The following MTMR7 variants were observed in gnomAD, a reference collection of about 807,000 sequenced individuals.
MTMR7 encodes the protein myotubularin related protein 7.
A neutral mutation model predicts 81.2 loss-of-function variants in MTMR7; 76 were observed. That is an observed-to-expected ratio of 0.94 (90% CI 0.78 to 1.13). The LOEUF is 1.13. Ranked by LOEUF, MTMR7 falls within the 50% of genes most tolerant of loss-of-function variation. MTMR7 has a pLI of 0.00. For synonymous variants in MTMR7, 372 were observed against 289.8 expected (o/e 1.28, Z -2.88); for missense variants, 1,044 against 820.0 (o/e 1.27, Z -3.34).
intron 4 of MTMR7, among the ~76,000 whole-genome samples, chr8:17,357,053 ACAAC>A (rs1819914532): frequency 6.6e-6 from 1 of 152,180 alleles, no homozygotes; most frequent in East Asian, 1.9e-4. Flanking sequence ...ACAACAAAAC[ACAAC>A]CAACAAAAGA....
chr8:17,338,648 G>T (rs1819320004), intron 6 of MTMR7: 2 of 152,226 alleles, frequency 1.3e-5, no homozygotes, highest in East Asian at 3.9e-4. Flanking sequence ...GAGCCAGAGA[G>T]AAGGGCACAA....
intron 7 of MTMR7, among the ~76,000 whole-genome samples, chr8:17,314,825 C>G (rs1817977754): frequency 1.3e-5 from 2 of 152,220 alleles, no homozygotes; most frequent in African/African-American, 4.8e-5. Flanking sequence ...GAAGGGACAG[C>G]CCTTTGAATT....
intron 3 of MTMR7, among the ~76,000 whole-genome samples, chr8:17,361,886 G>A (rs117221893): frequency 1.4e-4 from 22 of 152,276 alleles, no homozygotes; most frequent in African/African-American, 3.4e-4. Context: ...ACTGCACAGC[G>A]CTGTGCTCGT....
intron 12 of MTMR7, among the ~76,000 whole-genome samples, 189 bp downstream of exon 12, chr8:17,304,190 G>A (rs972258340): frequency 6.6e-6 from 1 of 152,114 alleles, no homozygotes; most frequent in South Asian, 2.1e-4. Context: ...CCACATTTAG[G>A]AGGAATAAAG....
intron 13 of MTMR7, among the ~76,000 whole-genome samples, chr8:17,300,607 T>G (rs2150456262): frequency 6.6e-6 from 1 of 152,370 alleles, no homozygotes; most frequent in South Asian, 2.1e-4. Flanking sequence ...ACTTTTATAC[T>G]GAGATACAAT....
At chr8:17,372,726 A>T (rs1037371340) in intron 2 of MTMR7, among the ~76,000 whole-genome samples, 1 of 152,184 alleles carries the variant, frequency 6.6e-6, no homozygotes, top group Non-Finnish European at 1.5e-5. Flanking sequence ...AGAAAAGTAG[A>T]GGCAATGTAA....
chr8:17,373,160 G>A lies in MTMR7; in HGVS notation c.105C>T (p.Val35=). 3 of 1,613,830 alleles carry A rather than the reference G, an allele frequency of 1.9e-6. No homozygotes were observed. Among genetic ancestry groups the A allele is most frequent in the South Asian group, 1.1e-5 (1 of 91,052 alleles). ...GGTCAGGTGAATTTTCCACGAATATGACATGGGTAGCCGTCAAATACAAAG... is the reference window on the plus strand; with the variant it reads ...GGTCAGGTGAATTTTCCACGAATATAACATGGGTAGCCGTCAAATACAAAG... ...LGTLYLTATH[V]IFVENSPDPR... is the part of the protein sequence containing the mutation. The change falls in exon 2 of 14, where the codon GTC becomes GTT. Residue 35 remains valine (V), a synonymous_variant. Coordinates refer to ENST00000180173, the MANE Select transcript of MTMR7 (RefSeq NM_004686.5).
intron 7 of MTMR7, among the ~76,000 whole-genome samples, chr8:17,317,550 C>T (rs1041909070): frequency 2.6e-5 from 4 of 152,178 alleles, no homozygotes; most frequent in African/African-American, 7.2e-5. Context: ...CTGCGGTCAA[C>T]GTTTCCAGAA....
At chr8:17,413,212 T>A in intron 1 of MTMR7, 57 bp downstream of exon 1, 7 of 1,471,098 alleles carry the variant, frequency 4.8e-6, no homozygotes, top group Non-Finnish European at 5.6e-6. Context: ...TCAGCATCCC[T>A]CCTCCTCCTC....
chr8:17,365,162 G>C (rs1232411954), intron 3 of MTMR7, among the ~76,000 whole-genome samples: 1 of 152,174 alleles, frequency 6.6e-6, no homozygotes, highest in Non-Finnish European at 1.5e-5. Context: ...TCTCCCTAAT[G>C]ATTATTGAGG....
Position 17,318,936 on chromosome 8 carries a change from G to A in MTMR7, c.866-5535C>T, listed in dbSNP as rs143973705. On this transcript the variant is annotated intron_variant, in intron 7 of 13. Coordinates refer to ENST00000180173, the MANE Select transcript of MTMR7 (RefSeq NM_004686.5). ...CATCTCCAACGTCTCCTGAAAACAA[G>A]AGCACTGCTCATTGTCCTGCTTCCC... 2.0e-5 allele frequency among the ~76,000 whole-genome samples: 3 copies of A among 152,308 alleles called. No individual in the cohort carries two copies. In the East Asian group the frequency reaches 5.8e-4, roughly 29 times the overall value.
At position 17,369,674 on chromosome 8, in the gene MTMR7, C is replaced by G. The variant is rs1195930039; in HGVS notation, c.310+1363G>C. Reference sequence around the variant, plus strand: ...TTTTTTTTTTTTTTTGAAACAGAGTCTCGTTCTGTCACCCAGGCTGGAGTG... The same window carrying G: ...TTTTTTTTTTTTTTTGAAACAGAGTGTCGTTCTGTCACCCAGGCTGGAGTG... On this transcript the variant is annotated intron_variant, in intron 3 of 13. Transcript: ENST00000180173. 3.6e-5 allele frequency among the ~76,000 whole-genome samples: 4 copies of G among 111,224 alleles called. No individual in the cohort carries two copies. In the East Asian group the frequency reaches 1.1e-3, roughly 31 times the overall value. The allele number at this position is 111,224 out of a possible 152,430, so 73.0% of individuals were successfully genotyped here. A position where few individuals can be genotyped will look rare whatever the true frequency, so the allele number is the denominator to read the frequency against.
rs1402343267 is a variant in MTMR7, at chr8:17,302,140, C to T, written c.1620+14G>A. On this transcript the variant is annotated intron_variant, in intron 13 of 13. Transcript: ENST00000180173. The stretch of plus-strand genomic sequence containing the variant: ...AAGCACAGAAAATAGATTAACAAAG[C>T]AAGTATGTCTTACTTCTTCCAGGGC... The T allele has an allele frequency of 6.2e-7, 1 of 1,613,946 alleles. No individual in the cohort carries two copies. The highest frequency in any genetic ancestry group is 2.2e-5 in the East Asian group (1 of 44,846).
chr8:17,356,644 G>A (rs1819897698), intron 4 of MTMR7, among the ~76,000 whole-genome samples: 1 of 152,038 alleles, frequency 6.6e-6, no homozygotes, highest in African/African-American at 2.4e-5. Flanking sequence ...AACCCAGGAG[G>A]CAGAGGTTAC....
intron 1 of MTMR7, among the ~76,000 whole-genome samples, chr8:17,411,612 A>T (rs759236134): frequency 6.6e-6 from 1 of 152,228 alleles, no homozygotes; most frequent in African/African-American, 2.4e-5. Context: ...ATTCAGTAAC[A>T]CTTCAGACAA....
intron 1 of MTMR7, among the ~76,000 whole-genome samples, chr8:17,399,290 G>T (rs1041528502): frequency 1.3e-5 from 2 of 152,140 alleles, no homozygotes; most frequent in Admixed American, 1.3e-4. Context: ...CAAGTTGCAA[G>T]ATACGAAATC....
intron 1 of MTMR7, among the ~76,000 whole-genome samples, chr8:17,377,606 C>T (rs762207120): frequency 1.3e-5 from 2 of 152,074 alleles, no homozygotes; most frequent in Non-Finnish European, 2.9e-5. Context: ...TCTAAATTTT[C>T]AGATTTCACA....
intron 7 of MTMR7, among the ~76,000 whole-genome samples, chr8:17,328,297 C>T (rs1818800320): frequency 6.6e-6 from 1 of 152,152 alleles, no homozygotes; most frequent in African/African-American, 2.4e-5. Context: ...CACCTTTCCA[C>T]CTTCCTCTTC....
At chr8:17,361,686 C>T (rs1447510849) in intron 3 of MTMR7, among the ~76,000 whole-genome samples, 1 of 152,052 alleles carries the variant, frequency 6.6e-6, no homozygotes, top group African/African-American at 2.4e-5. Context: ...CTCTCAGAGG[C>T]AGACACAAGG....
Sources: allele counts gnomAD v4.1 joint callset (sites outside exome capture counted in the v4.1 genomes callset), GRCh38; gene constraint gnomAD v4.1.1; transcripts MANE v1.5; gene names NCBI Gene and HGNC (gene_info 2026-07-23, HGNC 2026-07-21).